The following CFAP58 variants were observed in gnomAD, a reference collection of about 807,000 sequenced individuals.
CFAP58 encodes cilia- and flagella-associated protein 58.
Under a neutral mutation model 119.5 loss-of-function variants are expected in CFAP58, and 88 were observed. That is an observed-to-expected ratio of 0.74 (90% CI 0.62 to 0.88). CFAP58 has a LOEUF of 0.88. Ranked by LOEUF, CFAP58 falls within the 40% of genes least tolerant of loss-of-function variation. The probability of loss-of-function intolerance (pLI) is 0.00; values close to 1 mark genes in which losing one functional copy is unlikely to be tolerated. For synonymous variants in CFAP58, 365 were observed against 366.3 expected (o/e 1.00, Z 0.04); for missense variants, 990 against 1,021.2 (o/e 0.97, Z 0.42).
intron 15 of CFAP58, among the ~76,000 whole-genome samples, chr10:104,411,582 A>G (rs2012461447): frequency 6.6e-6 from 1 of 152,060 alleles, no homozygotes; most frequent in South Asian, 2.1e-4. Flanking sequence ...GTTCAGGTTA[A>G]GGGTATGTCC....
intron 15 of CFAP58, among the ~76,000 whole-genome samples, chr10:104,418,929 G>C (rs985732694): frequency 2.0e-5 from 3 of 152,164 alleles, no homozygotes; most frequent in African/African-American, 7.2e-5. Context: ...ACAGAAGCCT[G>C]TCTGTGGGTT....
At chr10:104,374,126 G>A (rs967664535) in intron 7 of CFAP58, among the ~76,000 whole-genome samples, 6 of 152,100 alleles carry the variant, frequency 3.9e-5, no homozygotes, top group Admixed American at 6.5e-5. Flanking sequence ...CTAAAAGAAT[G>A]TCAGAGCTCT....
chr10:104,382,273 T>C, intron 9 of CFAP58: 3 of 704,528 alleles, frequency 4.3e-6, no homozygotes, highest in Non-Finnish European at 8.0e-6. Context: ...CACAGGGCTG[T>C]GCCGGACATC....
chr10:104,396,178 C>A (rs186773590), intron 11 of CFAP58, among the ~76,000 whole-genome samples: 196 of 152,276 alleles, frequency 1.3e-3, no homozygotes, highest in Non-Finnish European at 1.5e-3. Flanking sequence ...TCCTAACAAG[C>A]CCCTGCTTCT....
chr10:104,407,722 A>T (rs1471478987), intron 15 of CFAP58, among the ~76,000 whole-genome samples: 1 of 152,148 alleles, frequency 6.6e-6, no homozygotes, highest in Non-Finnish European at 1.5e-5. Flanking sequence ...TTTTTGAGAC[A>T]GTCTTGCTCT....
chr10:104,424,397 C>A (rs187972132), intron 15 of CFAP58, among the ~76,000 whole-genome samples: 8 of 152,238 alleles, frequency 5.3e-5, no homozygotes, highest in African/African-American at 1.9e-4. Flanking sequence ...AGATCATTTC[C>A]TCTTACATCC....
In CFAP58 at chr10:104,369,784, T is replaced by C. The variant is rs569265418; in HGVS notation, c.931-1111T>C. 6.6e-5 allele frequency among the ~76,000 whole-genome samples: 10 copies of C among 152,352 alleles called. No individual in the cohort carries two copies. The South Asian group carries it at 1.9e-3, about 28-fold the overall frequency. On this transcript the variant is annotated intron_variant, in intron 6 of 17. Coordinates refer to ENST00000369704, the MANE Select transcript of CFAP58 (RefSeq NM_001008723.2). ...ATAACATGAACAGCTAATTTTGGTC[T>C]CTTCATTGTTATGAGCTGAGATAAT...
At chr10:104,364,178 G>C (rs2014709187) in intron 3 of CFAP58, among the ~76,000 whole-genome samples, 1 of 152,100 alleles carries the variant, frequency 6.6e-6, no homozygotes. Flanking sequence ...ATTTTGTTCT[G>C]TTTATGCTTT....
intron 15 of CFAP58, 62 bp downstream of exon 15, chr10:104,406,855 C>A (rs752598474): frequency 7.9e-7 from 1 of 1,270,104 alleles, no homozygotes. Context: ...TCCAGGACTA[C>A]GTTCTTAGAA....
chr10:104,431,710 C>A (rs1005085091), intron 15 of CFAP58, among the ~76,000 whole-genome samples: 5 of 152,172 alleles, frequency 3.3e-5, no homozygotes, highest in African/African-American at 4.8e-5. Context: ...TTTCCAGAGG[C>A]AACTACTGTC....
chr10:104,357,941 A>G (rs1048923390), intron 1 of CFAP58, among the ~76,000 whole-genome samples: 2 of 127,454 alleles, frequency 1.6e-5, no homozygotes, highest in Admixed American at 7.2e-5. Flanking sequence ...ACACACATAT[A>G]TGTACACATA....
At chr10:104,349,702 A>G (rs1283103634), upstream of CFAP58, among the ~76,000 whole-genome samples, 2 of 152,226 alleles carry the variant, frequency 1.3e-5, no homozygotes, top group Admixed American at 1.3e-4. Flanking sequence ...GTATTAAGCA[A>G]CTATTTACAT....
chr10:104,356,009 T>C (rs1249263619), intron 1 of CFAP58, among the ~76,000 whole-genome samples: 1 of 152,244 alleles, frequency 6.6e-6, no homozygotes, highest in African/African-American at 2.4e-5. Flanking sequence ...TTTTTGTGTG[T>C]GCTTATGTTT....
the CFAP58 span, among the ~76,000 whole-genome samples, chr10:104,342,223 T>C: frequency 6.6e-6 from 1 of 152,250 alleles, no homozygotes; most frequent in Non-Finnish European, 1.5e-5. Flanking sequence ...TTTCCCATAG[T>C]ATGATGATTG....
chr10:104,379,237 G>A (rs1443283987), intron 8 of CFAP58, among the ~76,000 whole-genome samples: 2 of 152,032 alleles, frequency 1.3e-5, no homozygotes, highest in African/African-American at 4.8e-5. Flanking sequence ...TGACTGTCCT[G>A]GATATTTATA....
intron 16 of CFAP58, 152 bp downstream of exon 16, chr10:104,447,969 GC>G: frequency 1.1e-6 from 1 of 936,734 alleles, no homozygotes; most frequent in Non-Finnish European, 1.6e-6. Flanking sequence ...TCTAGGATGA[GC>G]CAGCAGACCT....
chr10:104,357,076 C>T (rs778892034), intron 1 of CFAP58, among the ~76,000 whole-genome samples: 1 of 152,216 alleles, frequency 6.6e-6, no homozygotes, highest in Non-Finnish European at 1.5e-5. Context: ...TTAAATGACT[C>T]TGTTCCAAAT....
At position 104,382,312 on chromosome 10, in the gene CFAP58, A is replaced by T. The variant is rs2011827901; in HGVS notation, c.1365+2092A>T. Reference sequence around the variant, plus strand: ...GGCAGGAGTGTGGTCCTCCTTAGGGAGGGGCCCTGTAGGGTGAGGCAGCAA... The same window carrying T: ...GGCAGGAGTGTGGTCCTCCTTAGGGTGGGGCCCTGTAGGGTGAGGCAGCAA... On this transcript the variant is annotated intron_variant, in intron 9 of 17. Coordinates refer to ENST00000369704, the MANE Select transcript of CFAP58 (RefSeq NM_001008723.2). 4.6e-6 allele frequency: 3 copies of T among 651,448 alleles called. No individual in the cohort carries two copies. In the African/African-American group the frequency reaches 5.4e-5, roughly 12 times the overall value. The allele number at this position is 651,448 out of a possible 1,614,324, so 40.4% of individuals were successfully genotyped here.
At chr10:104,393,277 G>T in intron 10 of CFAP58, 52 bp from the exon 11 acceptor site, 1 of 1,537,902 alleles carries the variant, frequency 6.5e-7, no homozygotes, top group South Asian at 1.2e-5. Context: ...AACTTCCATA[G>T]GGACGATGAT....
Sources: allele counts gnomAD v4.1 joint callset (sites outside exome capture counted in the v4.1 genomes callset), GRCh38; gene constraint gnomAD v4.1.1; transcripts MANE v1.5; gene names NCBI Gene and HGNC (gene_info 2026-07-23, HGNC 2026-07-21).